The following GNAQ variants were observed in gnomAD, a reference collection of about 807,000 sequenced individuals.
GNAQ encodes the protein G protein subunit alpha q.
A neutral mutation model predicts 43.9 loss-of-function variants in GNAQ; 8 were observed. That is an observed-to-expected ratio of 0.18 (90% CI 0.11 to 0.33). The LOEUF is 0.33. Ranked by LOEUF, GNAQ falls within the 10% of genes least tolerant of loss-of-function variation. The pLI is 1.00. For missense variants in GNAQ, 158 were observed against 450.8 expected (o/e 0.35, Z 5.88); for synonymous variants, 155 against 170.7 (o/e 0.91, Z 0.71).
intron 1 of GNAQ, among the ~76,000 whole-genome samples, chr9:77,998,991 C>T (rs917042048): frequency 1.4e-5 from 2 of 145,478 alleles, no homozygotes; most frequent in African/African-American, 5.1e-5. Context: ...CTTCGGGGGG[C>T]TGAGGCAGGA....
intron 5 of GNAQ, among the ~76,000 whole-genome samples, chr9:77,762,126 G>A (rs1206981847): frequency 1.4e-5 from 2 of 138,986 alleles, no homozygotes; most frequent in African/African-American, 5.4e-5. Context: ...GGGAGGTGGG[G>A]GGTCAGCCCC....
intron 2 of GNAQ, among the ~76,000 whole-genome samples, chr9:77,830,583 T>TTAAA (rs1427054373): frequency 6.6e-6 from 1 of 152,196 alleles, no homozygotes; most frequent in Admixed American, 6.5e-5. Flanking sequence ...TTTTACAAAA[T>TTAAA]GTTAGTCTTC....
chr9:77,858,760 T>C (rs1270682647), intron 2 of GNAQ, among the ~76,000 whole-genome samples: 7 of 151,838 alleles, frequency 4.6e-5, no homozygotes, highest in Non-Finnish European at 1.0e-4. Flanking sequence ...CCACTACTTC[T>C]CCATATTAGC....
chr9:77,905,874 G>A (rs1385913230), intron 2 of GNAQ, among the ~76,000 whole-genome samples: 3 of 152,106 alleles, frequency 2.0e-5, no homozygotes, highest in African/African-American at 7.2e-5. Context: ...AGTAGGAGTT[G>A]AACAATGAGA....
At chr9:77,772,341 C>T (rs1180774528) in intron 5 of GNAQ, among the ~76,000 whole-genome samples, 3 of 152,194 alleles carry the variant, frequency 2.0e-5, no homozygotes, top group African/African-American at 4.8e-5. Context: ...TCCCAATTCA[C>T]TGCTGTGCGG....
At chr9:77,903,760 T>C (rs1054218009) in intron 2 of GNAQ, among the ~76,000 whole-genome samples, 10 of 152,180 alleles carry the variant, frequency 6.6e-5, no homozygotes, top group African/African-American at 2.4e-4. Context: ...CACATATATA[T>C]ACACACCTTA....
chr9:77,938,245 T>C (rs1345552570), intron 1 of GNAQ, among the ~76,000 whole-genome samples: 3 of 152,180 alleles, frequency 2.0e-5, no homozygotes, highest in African/African-American at 7.2e-5. Context: ...GCATCTGAGA[T>C]TGGTTGAATC....
chr9:77,742,903 T>G (rs1825675342), intron 5 of GNAQ, among the ~76,000 whole-genome samples: 1 of 152,284 alleles, frequency 6.6e-6, no homozygotes, highest in South Asian at 2.1e-4. Flanking sequence ...GGGTAAAAGA[T>G]GAGGGAGAGT....
chr9:77,853,790 A>AAC (rs1223992954), intron 2 of GNAQ, among the ~76,000 whole-genome samples: 1 of 150,712 alleles, frequency 6.6e-6, no homozygotes, highest in Non-Finnish European at 1.5e-5. Context: ...AAAAAAAAAA[A>AAC]AAAAAAAAAA....
At chr9:77,872,638 T>C (rs1426879513) in intron 2 of GNAQ, among the ~76,000 whole-genome samples, 1 of 152,192 alleles carries the variant, frequency 6.6e-6, no homozygotes, top group Admixed American at 6.5e-5. Flanking sequence ...TGAATGTGTG[T>C]GACTGGCATG....
At chr9:77,921,614 C>T (rs1828997799) in intron 2 of GNAQ, among the ~76,000 whole-genome samples, 1 of 152,152 alleles carries the variant, frequency 6.6e-6, no homozygotes, top group Non-Finnish European at 1.5e-5. Flanking sequence ...GTTTCTGTTA[C>T]TTTAACACAG....
At chr9:77,945,270 T>C (rs752828597) in intron 1 of GNAQ, among the ~76,000 whole-genome samples, 17 of 152,108 alleles carry the variant, frequency 1.1e-4, no homozygotes, top group African/African-American at 2.9e-4. Context: ...GCTTTGAAAA[T>C]GTAGCACTTG....
At chr9:78,028,968 CTAA>C (rs534983293) in intron 1 of GNAQ, among the ~76,000 whole-genome samples, 92 of 152,206 alleles carry the variant, frequency 6.0e-4, no homozygotes, top group African/African-American at 2.1e-3. Flanking sequence ...TGATGTTCCG[CTAA>C]TAAGAGGAAA....
chr9:77,767,922 G>C (rs1057147572), intron 5 of GNAQ, among the ~76,000 whole-genome samples: 2 of 152,174 alleles, frequency 1.3e-5, no homozygotes, highest in African/African-American at 4.8e-5. Context: ...TGAGGTTTTA[G>C]TGTTCACGGT....
At chr9:77,835,860 C>T (rs1827374826) in intron 2 of GNAQ, among the ~76,000 whole-genome samples, 1 of 152,202 alleles carries the variant, frequency 6.6e-6, no homozygotes, top group South Asian at 2.1e-4. Flanking sequence ...TGTGCCTAGA[C>T]TCTTCTCTTG....
Position 77,905,179 on chromosome 9 carries a change from G to A in GNAQ, c.321+16982C>T, listed in dbSNP as rs576296110. Among the ~76,000 whole-genome samples, 2 of 152,256 alleles carry A rather than the reference G, an allele frequency of 1.3e-5. 1 individual carries two copies. The highest frequency in any genetic ancestry group is 4.8e-5 in the African/African-American group (2 of 41,550). On this transcript the variant is annotated intron_variant, in intron 2 of 6. Coordinates refer to ENST00000286548, the MANE Select transcript of GNAQ (RefSeq NM_002072.5). The stretch of plus-strand genomic sequence containing the variant: ...CATTGAATGTGGAACTTGGAACATC[G>A]CTGAGTTATCAGATATACTTAAAAG...
chr9:77,769,586 G>A (rs1826188265), intron 5 of GNAQ, among the ~76,000 whole-genome samples: 1 of 151,784 alleles, frequency 6.6e-6, no homozygotes, highest in South Asian at 2.1e-4. Flanking sequence ...ATGCTACTCG[G>A]TTGAAAAGAA....
intron 1 of GNAQ, among the ~76,000 whole-genome samples, chr9:77,923,439 A>G (rs1037749623): frequency 2.0e-5 from 3 of 152,208 alleles, no homozygotes; most frequent in Non-Finnish European, 4.4e-5. Context: ...AGAGCTATAT[A>G]TGTCCCTGGG....
intron 1 of GNAQ, among the ~76,000 whole-genome samples, chr9:77,971,129 ATAAT>A (rs1391883713): frequency 6.6e-6 from 1 of 152,200 alleles, no homozygotes; most frequent in African/African-American, 2.4e-5. Context: ...AATTGAGGCA[ATAAT>A]TAATAGCATA....
Sources: allele counts gnomAD v4.1 joint callset (sites outside exome capture counted in the v4.1 genomes callset), GRCh38; gene constraint gnomAD v4.1.1; transcripts MANE v1.5; gene names NCBI Gene and HGNC (gene_info 2026-07-23, HGNC 2026-07-21).